The following CNTNAP2 variants were observed in gnomAD, a reference collection of about 807,000 sequenced individuals.
The protein encoded by CNTNAP2 is contactin-associated protein-like 2.
In CNTNAP2, 98 loss-of-function variants were observed where a neutral mutation model predicts 155.2. That is an observed-to-expected ratio of 0.63 (90% CI 0.54 to 0.75). The LOEUF (loss-of-function observed/expected upper bound fraction) is 0.75, where lower values mean the gene tolerates loss of function less well. CNTNAP2 is among the 30% of genes least tolerant of loss of function. The pLI, the probability that CNTNAP2 is intolerant of heterozygous loss-of-function variation, is 0.00. For missense variants in CNTNAP2, 1,727 were observed against 1,688.1 expected (o/e 1.02, Z -0.40); for synonymous variants, 651 against 631.2 (o/e 1.03, Z -0.47).
At chr7:147,229,332 C>A (rs1417815658) in intron 8 of CNTNAP2, among the ~76,000 whole-genome samples, 1 of 152,094 alleles carries the variant, frequency 6.6e-6, no homozygotes, top group Non-Finnish European at 1.5e-5. Context: ...TCAACTGTTT[C>A]AAAACTCCTT....
chr7:148,026,489 A>G (rs1802378158), intron 15 of CNTNAP2, among the ~76,000 whole-genome samples: 1 of 152,088 alleles, frequency 6.6e-6, no homozygotes. Flanking sequence ...ACTATAGAAA[A>G]GCCATTTAAA....
intron 15 of CNTNAP2, among the ~76,000 whole-genome samples, chr7:147,985,429 G>A (rs1308049178): frequency 6.8e-4 from 31 of 45,838 alleles, no homozygotes; most frequent in Middle Eastern, 0.023. Flanking sequence ...TTTTTTTTGC[G>A]AATCTTCAGA....
intron 3 of CNTNAP2, among the ~76,000 whole-genome samples, chr7:146,906,735 C>G (rs150888812): frequency 6.6e-6 from 1 of 152,122 alleles, no homozygotes; most frequent in Non-Finnish European, 1.5e-5. Flanking sequence ...AACTCTAAAA[C>G]GCAGAACACC....
intron 21 of CNTNAP2, among the ~76,000 whole-genome samples, chr7:148,311,500 G>A (rs1217385300): frequency 6.6e-6 from 1 of 152,116 alleles, no homozygotes; most frequent in Non-Finnish European, 1.5e-5. Context: ...CTTCGTCAGG[G>A]TGAAAGTACT....
At chr7:146,578,570 C>T (rs1053475058) in intron 1 of CNTNAP2, among the ~76,000 whole-genome samples, 1 of 152,096 alleles carries the variant, frequency 6.6e-6, no homozygotes, top group Non-Finnish European at 1.5e-5. Context: ...ATTCAGAGTA[C>T]TTAAAATTTA....
chr7:146,789,368 T>G (rs1802631745), intron 2 of CNTNAP2, among the ~76,000 whole-genome samples: 1 of 152,198 alleles, frequency 6.6e-6, no homozygotes, highest in African/African-American at 2.4e-5. Flanking sequence ...TTCTCTTTCA[T>G]TTCTGAGAAG....
At chr7:147,307,767 G>C (rs1053495596) in intron 9 of CNTNAP2, among the ~76,000 whole-genome samples, 1 of 152,146 alleles carries the variant, frequency 6.6e-6, no homozygotes, top group Admixed American at 6.5e-5. Context: ...AATTCGCTTT[G>C]ATGTTTTCAT....
chr7:146,815,585 T>C (rs1001513976), intron 2 of CNTNAP2, among the ~76,000 whole-genome samples: 18 of 152,152 alleles, frequency 1.2e-4, no homozygotes, highest in African/African-American at 4.1e-4. Context: ...CACATCCATA[T>C]ATATTTTTTA....
chr7:148,007,707 G>A (rs1802004969), intron 15 of CNTNAP2, among the ~76,000 whole-genome samples: 1 of 151,980 alleles, frequency 6.6e-6, no homozygotes, highest in Non-Finnish European at 1.5e-5. Context: ...TTTGTTTTAG[G>A]GTATGATTCT....
chr7:147,899,208 C>T (rs1799821309), intron 13 of CNTNAP2, among the ~76,000 whole-genome samples: 1 of 152,064 alleles, frequency 6.6e-6, no homozygotes, highest in Non-Finnish European at 1.5e-5. Context: ...AGTGTGGTGG[C>T]ATGTGCCTGT....
intron 15 of CNTNAP2, among the ~76,000 whole-genome samples, chr7:148,053,601 C>T (rs541869900): frequency 1.5e-3 from 223 of 152,162 alleles, no homozygotes; most frequent in African/African-American, 5.2e-3. Flanking sequence ...ATATTTTCAC[C>T]GTACTTTACC....
intron 8 of CNTNAP2, among the ~76,000 whole-genome samples, chr7:147,269,396 A>G (rs962227414): frequency 2.0e-5 from 3 of 152,174 alleles, no homozygotes; most frequent in Admixed American, 6.5e-5. Flanking sequence ...CAACATAACC[A>G]TGTTGGATAT....
chr7:148,019,708 T>C (rs553758866), intron 15 of CNTNAP2, among the ~76,000 whole-genome samples: 3 of 151,808 alleles, frequency 2.0e-5, no homozygotes, highest in African/African-American at 2.4e-5. Flanking sequence ...CCGCCTGCCT[T>C]GCCCTCCCAA....
At chr7:148,065,826 T>G (rs147272786) in intron 15 of CNTNAP2, among the ~76,000 whole-genome samples, 1 of 152,232 alleles carries the variant, frequency 6.6e-6, no homozygotes, top group Non-Finnish European at 1.5e-5. Flanking sequence ...TTTATCATGC[T>G]AGTTGTTGCC....
intron 1 of CNTNAP2, among the ~76,000 whole-genome samples, chr7:146,185,358 A>G (rs960311452): frequency 2.0e-5 from 3 of 152,288 alleles, no homozygotes; most frequent in African/African-American, 7.2e-5. Flanking sequence ...TATTTTTTCC[A>G]TGGCTCTTTC....
intron 21 of CNTNAP2, among the ~76,000 whole-genome samples, chr7:148,277,586 A>ACCCCCCCCCCCCCCCCCCCCCCCCC (rs147409823): frequency 2.1e-5 from 3 of 140,078 alleles, no homozygotes; most frequent in Admixed American, 7.3e-5. Flanking sequence ...TTAGTACAGG[A>ACCCCCCCCCCCCCCCCCCCCCCCCC]CCGCCCCCCA....
intron 11 of CNTNAP2, among the ~76,000 whole-genome samples, chr7:147,528,992 A>T (rs1293925876): frequency 1.3e-5 from 2 of 152,250 alleles, no homozygotes; most frequent in South Asian, 2.1e-4. Context: ...ATCTTTAATC[A>T]TGGCAAGTGG....
At chr7:147,564,108 T>A (rs1800119964) in intron 12 of CNTNAP2, among the ~76,000 whole-genome samples, 1 of 152,150 alleles carries the variant, frequency 6.6e-6, no homozygotes, top group Non-Finnish European at 1.5e-5. Flanking sequence ...GGTTCGAGGC[T>A]GCAGTGAGTT....
intron 13 of CNTNAP2, among the ~76,000 whole-genome samples, chr7:147,874,402 A>G (rs61040689): frequency 0.04 from 6,023 of 152,272 alleles, 383 homozygotes; most frequent in African/African-American, 0.14. Context: ...GTTCCTGCAG[A>G]CTCAAAACCA....
Sources: gnomAD v4.1 joint callset for allele counts (sites outside exome capture counted in the v4.1 genomes callset) on GRCh38, gnomAD v4.1.1 for gene constraint, MANE v1.5 for transcripts, NCBI Gene and HGNC (gene_info 2026-07-23, HGNC 2026-07-21) for gene names.